Variants in ANXA7 observed in about 807,000 individuals in gnomAD.
ANXA7 encodes the protein annexin A7, also known as annexin VII.
Under a neutral mutation model 64.9 loss-of-function variants are expected in ANXA7, and 55 were observed. The observed-to-expected ratio is 0.85, with a 90% CI of 0.68 to 1.06. The LOEUF is 1.06. Ranked by LOEUF, ANXA7 falls within the 50% of genes least tolerant of loss-of-function variation. The pLI, the probability that ANXA7 is intolerant of heterozygous loss-of-function variation, is 0.00. For missense variants in ANXA7, 548 were observed against 582.1 expected (o/e 0.94, Z 0.60); for synonymous variants, 200 against 192.4 (o/e 1.04, Z -0.33).
In ANXA7 at chr10:73,409,957, G is replaced by C. The variant is rs537627969; in HGVS notation, c.-2+4055C>G. ...TAAATGATGCTGGGAAAACTGGCAA[G>C]CCACATGAAGAATGAAACTGGATCC... On this transcript the variant is annotated intron_variant, in intron 1 of 12. Coordinates refer to ENST00000372921, the MANE Select transcript of ANXA7 (RefSeq NM_001156.5). 3.3e-5 allele frequency among the ~76,000 whole-genome samples: 5 copies of C among 152,212 alleles called. No individual in the cohort carries two copies. In the East Asian group the frequency reaches 9.6e-4, roughly 29 times the overall value.
At chr10:73,385,797 G>T (rs545713058) in intron 7 of ANXA7, among the ~76,000 whole-genome samples, 1 of 152,114 alleles carries the variant, frequency 6.6e-6, no homozygotes, top group Non-Finnish European at 1.5e-5. Flanking sequence ...TCACTGGGCT[G>T]GGCAGACAGG....
chr10:73,394,421 T>C (rs1455202704), intron 5 of ANXA7, among the ~76,000 whole-genome samples: 2 of 152,192 alleles, frequency 1.3e-5, no homozygotes, highest in African/African-American at 2.4e-5. Context: ...CGTATGTTTA[T>C]TGCAGCACTA....
In ANXA7 at chr10:73,383,362, G is replaced by C. The variant is rs1691506614; in HGVS notation, c.748-17C>G. The C allele has an allele frequency of 6.3e-7, 1 of 1,593,958 alleles. No homozygotes were observed. The highest frequency in any genetic ancestry group is 8.6e-7 in the Non-Finnish European group (1 of 1,169,570). On this transcript the variant is annotated splice_polypyrimidine_tract_variant and intron_variant, in intron 8 of 12. Transcript: ENST00000372921. The stretch of plus-strand genomic sequence containing the variant: ...TCCTGCTCCCTACATGAAATGAAGG[G>C]AAGATTATACAAAGAAAAATGAAAT...
chr10:73,393,237 T>C (rs576478614), intron 5 of ANXA7, among the ~76,000 whole-genome samples: 1 of 152,320 alleles, frequency 6.6e-6, no homozygotes, highest in East Asian at 1.9e-4. Context: ...GAACATTCCA[T>C]GCTCATGGAT....
chr10:73,397,166 G>C lies in ANXA7; in HGVS notation c.368C>G (p.Pro123Arg). The C allele has an allele frequency of 3.2e-6, 5 of 1,581,346 alleles. No individual in the cohort carries two copies. Among genetic ancestry groups the C allele is most frequent in the Non-Finnish European group, 2.6e-6 (3 of 1,161,466 alleles). ...TTTTCTGGACAGCTGGTACCTACCA[G>C]GTAGTGGAACCTGTGCTGGACCACC... ...YGGGPAQVPL[P>R]GGFPGGQMPS... Residue 123 changes from proline (P) to arginine (R), a missense_variant and splice_region_variant, in exon 4 of 13, where the codon CCT becomes CGT. By Grantham distance (103) the Pro-to-Arg change is moderately radical (BLOSUM62 -2). Coordinates refer to ENST00000372921, the MANE Select transcript of ANXA7 (RefSeq NM_001156.5).
At position 73,383,190 on chromosome 10, in the gene ANXA7, A is replaced by G. The variant is rs923936388; in HGVS notation, c.903T>C (p.Leu301=). 24 of 1,613,182 alleles carry G rather than the reference A, an allele frequency of 1.5e-5. No homozygotes were observed. The highest frequency in any genetic ancestry group is 1.8e-5 in the Non-Finnish European group (21 of 1,179,514). The change falls in exon 9 of 13, where the codon CTT becomes CTC. Residue 301 remains leucine, a synonymous_variant. Transcript: ENST00000372921. ...SDTSGHFERL[L]VSMCQGNRDE... ...CTATACTCACCTGGCACATGGACACAAGTAAACGTTCAAAATGTCCTGATG... is the reference window on the plus strand; with the variant it reads ...CTATACTCACCTGGCACATGGACACGAGTAAACGTTCAAAATGTCCTGATG...
Position 73,405,960 on chromosome 10 carries a change from C to CT in ANXA7, c.-1-5104dup, listed in dbSNP as rs199538795. 4.5e-3 allele frequency among the ~76,000 whole-genome samples: 650 copies of CT among 144,398 alleles called. 7 individuals carry two copies. Among genetic ancestry groups the CT allele is most frequent in the East Asian group, 5.3e-3 (27 of 5,062 alleles). The allele number at this position is 144,398 out of a possible 152,430, so 94.7% of individuals were successfully genotyped here. A position where few individuals can be genotyped will look rare whatever the true frequency, so the allele number is the denominator to read the frequency against. On this transcript the variant is annotated intron_variant, in intron 1 of 12. Coordinates refer to ENST00000372921, the MANE Select transcript of ANXA7 (RefSeq NM_001156.5). Reference sequence around the variant, plus strand: ...GTAAGAAACCCAGTATTTTTCTCTTCTTTTTTTTTTTTGAGACAGAGTTTC... The same window carrying CT: ...GTAAGAAACCCAGTATTTTTCTCTTCTTTTTTTTTTTTTGAGACAGAGTTTC...
At chr10:73,388,260 T>C (rs546335188) in intron 6 of ANXA7, 52 bp downstream of exon 6, 80 of 1,356,432 alleles carry the variant, frequency 5.9e-5, no homozygotes, top group African/African-American at 8.6e-5. Flanking sequence ...ATTTTTACTT[T>C]AGAACTGATT....
chr10:73,411,854 A>G (rs746375621), intron 1 of ANXA7, among the ~76,000 whole-genome samples: 3 of 151,476 alleles, frequency 2.0e-5, no homozygotes, highest in Non-Finnish European at 4.4e-5. Context: ...GAAACCATCT[A>G]TAACACGTAT....
intron 11 of ANXA7, 156 bp downstream of exon 11, chr10:73,379,723 G>A (rs912185249): frequency 1.6e-5 from 12 of 728,242 alleles, no homozygotes; most frequent in Non-Finnish European, 2.8e-5. Flanking sequence ...ATCCAATAAA[G>A]AAAACAAACA....
intron 1 of ANXA7, among the ~76,000 whole-genome samples, chr10:73,410,392 A>T (rs2055820268): frequency 6.6e-6 from 1 of 152,204 alleles, no homozygotes; most frequent in East Asian, 1.9e-4. Flanking sequence ...AAAACATGAA[A>T]TAATCATTAA....
chr10:73,388,221 C>T, intron 6 of ANXA7, 91 bp downstream of exon 6: 1 of 905,720 alleles, frequency 1.1e-6, no homozygotes, highest in Non-Finnish European at 1.8e-6. Flanking sequence ...CAGGCTGACA[C>T]ATAAACTTGG....
At chr10:73,388,500 T>C (rs1174681200) in intron 5 of ANXA7, 86 bp from the exon 6 acceptor site, 2 of 1,028,622 alleles carry the variant, frequency 1.9e-6, no homozygotes, top group South Asian at 1.4e-5. Context: ...GACATCAATC[T>C]TAAGTAAGAA....
At chr10:73,390,529 A>G (rs574562422) in intron 5 of ANXA7, among the ~76,000 whole-genome samples, 7 of 152,132 alleles carry the variant, frequency 4.6e-5, no homozygotes, top group South Asian at 2.1e-4. Flanking sequence ...AAAAAATTTT[A>G]TAAGCCTTCA....
chr10:73,384,641 T>C (rs1226147174), intron 7 of ANXA7, among the ~76,000 whole-genome samples: 1 of 152,058 alleles, frequency 6.6e-6, no homozygotes, highest in African/African-American at 2.4e-5. Context: ...CCCCAAGTGA[T>C]ACACCCGCCT....
intron 3 of ANXA7, 51 bp downstream of exon 3, chr10:73,398,130 A>G (rs767435022): frequency 1.3e-6 from 2 of 1,552,858 alleles, no homozygotes; most frequent in South Asian, 2.3e-5. Context: ...GGAGAAGGAA[A>G]AAGTGCTACA....
At chr10:73,407,133 G>C (rs1431655756) in intron 1 of ANXA7, among the ~76,000 whole-genome samples, 1 of 152,154 alleles carries the variant, frequency 6.6e-6, no homozygotes, top group Admixed American at 6.5e-5. Context: ...CTGGAATGCA[G>C]TGGCACAATC....
intron 3 of ANXA7, among the ~76,000 whole-genome samples, chr10:73,397,665 C>T (rs2055598048): frequency 6.6e-6 from 1 of 152,084 alleles, no homozygotes; most frequent in Non-Finnish European, 1.5e-5. Context: ...ACCATGTTGG[C>T]CAAGCTGGTC....
intron 5 of ANXA7, among the ~76,000 whole-genome samples, chr10:73,390,693 AATATATATAT>A (rs142703167): frequency 3.9e-5 from 5 of 127,474 alleles, no homozygotes; most frequent in Non-Finnish European, 7.9e-5. Context: ...TCTTTTGTAA[AATATATATAT>A]ATATATATAT....
Sources: gnomAD v4.1 joint callset for allele counts (sites outside exome capture counted in the v4.1 genomes callset) on GRCh38, gnomAD v4.1.1 for gene constraint, MANE v1.5 for transcripts, NCBI Gene and HGNC (gene_info 2026-07-23, HGNC 2026-07-21) for gene names.